Variants in WWP2 observed in about 807,000 individuals in gnomAD.
WWP2 encodes NEDD4-like E3 ubiquitin-protein ligase WWP2.
WWP2 carries 57 observed loss-of-function variants against 121.0 expected under a neutral mutation model. That is an observed-to-expected ratio of 0.47 (90% CI 0.38 to 0.59). The LOEUF (loss-of-function observed/expected upper bound fraction) is 0.59, where lower values mean the gene tolerates loss of function less well. WWP2 is among the 20% of genes least tolerant of loss of function. The pLI is 0.00. For missense variants in WWP2, 962 were observed against 1,158.9 expected, an observed-to-expected ratio of 0.83 and a Z score of 2.47; for synonymous variants, 449 against 441.3, an observed-to-expected ratio of 1.02 and a Z score of -0.22.
At chr16:69,882,189 C>T (rs1247778192) in intron 7 of WWP2, among the ~76,000 whole-genome samples, 11 of 152,154 alleles carry the variant, frequency 7.2e-5, no homozygotes, top group Non-Finnish European at 2.9e-5. Flanking sequence ...CTCCTGACCT[C>T]AGGTGATTCA....
At chr16:69,803,549 C>T (rs112275322) in intron 4 of WWP2, among the ~76,000 whole-genome samples, 11 of 152,192 alleles carry the variant, frequency 7.2e-5, no homozygotes, top group African/African-American at 2.4e-4. Flanking sequence ...ATTGGTTGTT[C>T]TATCTCTGAG....
At chr16:69,773,006 A>T (rs999902576) in intron 1 of WWP2, among the ~76,000 whole-genome samples, 2 of 151,740 alleles carry the variant, frequency 1.3e-5, no homozygotes, top group African/African-American at 4.8e-5. Context: ...ATGGAGTTTG[A>T]GAAGGGAACA....
intron 7 of WWP2, 30 bp from the exon 8 acceptor site, chr16:69,888,009 A>G (rs571566950): frequency 1.2e-6 from 2 of 1,610,290 alleles, no homozygotes; most frequent in Non-Finnish European, 1.7e-6. Context: ...TTCTTAGTTG[A>G]TCTTTAAAGT....
At chr16:69,892,771 C>T (rs2058049397) in intron 8 of WWP2, among the ~76,000 whole-genome samples, 1 of 152,194 alleles carries the variant, frequency 6.6e-6, no homozygotes, top group African/African-American at 2.4e-5. Flanking sequence ...TAGGCTCAAG[C>T]AATCCTCCTG....
intron 8 of WWP2, among the ~76,000 whole-genome samples, chr16:69,891,884 C>G (rs565578492): frequency 6.6e-6 from 1 of 152,332 alleles, no homozygotes; most frequent in African/African-American, 2.4e-5. Context: ...ACATCTTTCC[C>G]CTGACCCTGA....
chr16:69,879,002 T>G (rs1385515882), intron 7 of WWP2, among the ~76,000 whole-genome samples: 1 of 152,204 alleles, frequency 6.6e-6, no homozygotes, highest in East Asian at 1.9e-4. Context: ...GGTTTATAAT[T>G]TTTTGCTAAT....
rs139091143 is a variant in WWP2, at chr16:69,795,834, G to T, written c.71-2848G>T. On this transcript the variant is annotated intron_variant, in intron 2 of 23. Coordinates refer to ENST00000359154, the MANE Select transcript of WWP2 (RefSeq NM_001270454.2). The stretch of plus-strand genomic sequence containing the variant: ...AGCTAGTTTTTGTATTTTTGGTAGA[G>T]ACAGGGTTTAGCCATGTTGCCCAGG... Among the ~76,000 whole-genome samples, 270 of 151,664 alleles carry T rather than the reference G, an allele frequency of 1.8e-3. 6 individuals are homozygous for T. In the East Asian group the frequency reaches 0.033, roughly 19 times the overall value.
chr16:69,914,048 G>A (rs1329413013), intron 9 of WWP2, among the ~76,000 whole-genome samples: 4 of 140,202 alleles, frequency 2.9e-5, no homozygotes, highest in Non-Finnish European at 6.0e-5. Flanking sequence ...CTCCAGCCTG[G>A]GCGACAGAGC....
At chr16:69,840,500 G>T (rs2056958282) in intron 5 of WWP2, among the ~76,000 whole-genome samples, 2 of 152,214 alleles carry the variant, frequency 1.3e-5, no homozygotes. Context: ...TTTGATAGCA[G>T]AGAAAAACAT....
intron 4 of WWP2, among the ~76,000 whole-genome samples, chr16:69,823,144 G>A (rs12927431): frequency 0.36 from 54,491 of 151,696 alleles, 10,434 homozygotes; most frequent in Non-Finnish European, 0.43. Flanking sequence ...AAAGAAAAAA[G>A]TAAAAACAAA....
Position 69,871,793 on chromosome 16 carries a change from T to A in WWP2, c.576-11T>A, listed in dbSNP as rs2057640972. 6.2e-7 allele frequency: 1 copy of A among 1,613,758 alleles called. No homozygotes were observed. The highest frequency in any genetic ancestry group is 1.3e-5 in the African/African-American group (1 of 74,932). ...ACTTATGTCTGTCTGCTTTCTACTTTGAACCCCCAGGACGCACAGACATTC... is the reference window on the plus strand; with the variant it reads ...ACTTATGTCTGTCTGCTTTCTACTTAGAACCCCCAGGACGCACAGACATTC... On this transcript the variant is annotated splice_polypyrimidine_tract_variant and intron_variant, in intron 6 of 23. Coordinates refer to ENST00000359154, the MANE Select transcript of WWP2 (RefSeq NM_001270454.2).
At chr16:69,807,636 A>G (rs1237754646) in intron 4 of WWP2, among the ~76,000 whole-genome samples, 3 of 150,356 alleles carry the variant, frequency 2.0e-5, no homozygotes, top group Admixed American at 6.7e-5. Context: ...AAAAAAAAAA[A>G]AAAAAAAAGA....
chr16:69,932,970 G>A (rs924874790), intron 16 of WWP2: 28 of 466,806 alleles, frequency 6.0e-5, no homozygotes, highest in Non-Finnish European at 2.7e-5. Flanking sequence ...TCCTCTGTTC[G>A]GTGGTGGCGT....
chr16:69,862,698 GC>G (rs1170726408), intron 6 of WWP2, among the ~76,000 whole-genome samples: 2 of 145,534 alleles, frequency 1.4e-5, no homozygotes, highest in African/African-American at 2.6e-5. Flanking sequence ...TATCCAGCCA[GC>G]CATGAATTCT....
rs554566711 is a variant in WWP2, at chr16:69,785,695, C to T, written c.-15-1301C>T. 1.3e-4 allele frequency among the ~76,000 whole-genome samples: 20 copies of T among 151,170 alleles called. No homozygotes were observed. In the Middle Eastern group the frequency reaches 0.01, roughly 79 times the overall value. On this transcript the variant is annotated intron_variant, in intron 1 of 23. Transcript: ENST00000359154. ...AGGCTGGAGTGCCATGGCACAGTCT[C>T]GGCCCACTGCAACCTCCACTTCCCG... is the stretch of plus-strand genomic sequence containing the variant.
At chr16:69,880,739 C>T (rs2151928688) in intron 7 of WWP2, among the ~76,000 whole-genome samples, 1 of 152,322 alleles carries the variant, frequency 6.6e-6, no homozygotes, top group East Asian at 1.9e-4. Flanking sequence ...AGTGCAGTTG[C>T]TTGTGTTTCA....
intron 7 of WWP2, among the ~76,000 whole-genome samples, chr16:69,880,439 C>A (rs953279012): frequency 7.9e-5 from 12 of 151,846 alleles, no homozygotes; most frequent in Non-Finnish European, 1.0e-4. Flanking sequence ...ATTCTTTGAT[C>A]GTTCATACAT....
intron 8 of WWP2, among the ~76,000 whole-genome samples, chr16:69,896,278 T>C (rs2058102844): frequency 6.6e-6 from 1 of 152,090 alleles, no homozygotes; most frequent in Non-Finnish European, 1.5e-5. Flanking sequence ...GCCACCATGC[T>C]CAGCTAATTT....
intron 9 of WWP2, chr16:69,909,652 C>G (rs1410315725): frequency 1.0e-6 from 1 of 985,256 alleles, no homozygotes; most frequent in Non-Finnish European, 1.2e-6. Flanking sequence ...GTGTTTTCCA[C>G]TTTGACTTGA....
Sources: gnomAD v4.1 joint callset for allele counts (sites outside exome capture counted in the v4.1 genomes callset) on GRCh38, gnomAD v4.1.1 for gene constraint, MANE v1.5 for transcripts, NCBI Gene and HGNC (gene_info 2026-07-23, HGNC 2026-07-21) for gene names.